RTTN: variants seen among roughly 807,000 people sequenced by gnomAD.
RTTN encodes rotatin.
Under a neutral mutation model 269.2 loss-of-function variants are expected in RTTN, and 182 were observed. The ratio of observed to expected loss-of-function variants is 0.68; its 90% CI spans 0.60 to 0.76. The LOEUF is 0.76. Ranked by LOEUF, RTTN falls within the 30% of genes least tolerant of loss-of-function variation. The probability of loss-of-function intolerance (pLI) is 0.00; values close to 1 mark genes in which losing one functional copy is unlikely to be tolerated. For missense variants in RTTN, 2,545 were observed against 2,608.6 expected (o/e 0.98, Z 0.53); for synonymous variants, 1,006 against 963.5 (o/e 1.04, Z -0.82).
At chr18:70,154,783 T>C (rs2060629734) in intron 14 of RTTN, among the ~76,000 whole-genome samples, 1 of 152,206 alleles carries the variant, frequency 6.6e-6, no homozygotes, top group Non-Finnish European at 1.5e-5. Flanking sequence ...AACCCTTGAT[T>C]GATCGCAAGG....
chr18:70,089,064 T>C lies in RTTN; in HGVS notation c.4144-917A>G, dbSNP rs569993217. Among the ~76,000 whole-genome samples the C allele has an allele frequency of 6.6e-5, 10 of 152,314 alleles. No homozygotes were observed. The East Asian group carries it at 1.2e-3, about 18-fold the overall frequency. ...TAATTTTCCACTCTTCTGAAGGTAA[T>C]AGATACTATAACCTTTTCTCTTTTA... On this transcript the variant is annotated intron_variant, in intron 30 of 48. Transcript: ENST00000640769.
rs1599594561 is a variant in RTTN, at chr18:70,109,664, A to C, written c.3737T>G (p.Leu1246Arg). ...VFQTQLALKL[L>R]QCLKVTDAPH... The stretch of plus-strand genomic sequence containing the variant: ...CGCATCCGTCACTTTCAGACACTGG[A>C]GCAGTTTCAGAGCCAGCTGCGTTTG... The change falls in exon 28 of 49, where the codon CTC becomes CGC. Residue 1246 changes from leucine (L) to arginine (R), a missense_variant. Leu to Arg is a moderately radical substitution (Grantham distance 102). Transcript: ENST00000640769. The C allele has an allele frequency of 6.2e-7, 1 of 1,614,200 alleles. No individual in the cohort carries two copies.
chr18:70,073,987 A>G lies in RTTN; in HGVS notation c.4572T>C (p.Asp1524=). 1 of 1,609,986 alleles carries G rather than the reference A, an allele frequency of 6.2e-7. No homozygotes were observed. The highest frequency in any genetic ancestry group is 8.5e-7 in the Non-Finnish European group (1 of 1,176,818). The part of the protein sequence containing the change: ...NSESNDLNGL[D]DSFKFWRAPS... ...GAGCCCTCCAAAACTTGAATGAGTC[A>G]TCTAAACCTGCAACAACGAGAAAAT... is the stretch of plus-strand genomic sequence containing the variant. The change falls in exon 34 of 49, where the codon GAT becomes GAC. Residue 1524 remains aspartate (D), a synonymous_variant. Transcript: ENST00000640769.
At position 70,113,792 on chromosome 18, in the gene RTTN, G is replaced by A. The variant is rs532249687; in HGVS notation, c.3683+653C>T. On this transcript the variant is annotated intron_variant, in intron 27 of 48. Coordinates refer to ENST00000640769, the MANE Select transcript of RTTN (RefSeq NM_173630.4). ...CTAAGTGAAGAAGCTAGACGCTAAA[G>A]GTCACATTATTGTTTGATTTCATTT... 2.3e-3 allele frequency among the ~76,000 whole-genome samples: 349 copies of A among 152,226 alleles called. 1 individual carries two copies. Among genetic ancestry groups the A allele is most frequent in the African/African-American group, 8.1e-3 (335 of 41,538 alleles).
chr18:70,045,645 C>A (rs2057469557), intron 40 of RTTN, among the ~76,000 whole-genome samples: 1 of 152,112 alleles, frequency 6.6e-6, no homozygotes, highest in Non-Finnish European at 1.5e-5. Flanking sequence ...ATTAACTGTC[C>A]CAACTTACAT....
At chr18:70,100,145 C>T (rs1409002735) in intron 28 of RTTN, among the ~76,000 whole-genome samples, 1 of 152,212 alleles carries the variant, frequency 6.6e-6, no homozygotes, top group East Asian at 1.9e-4. Flanking sequence ...ATGAAGGTGG[C>T]ATTGAATCTA....
intron 28 of RTTN, among the ~76,000 whole-genome samples, chr18:70,105,399 G>A (rs1008346416): frequency 4.6e-5 from 7 of 152,182 alleles, no homozygotes; most frequent in East Asian, 1.9e-4. Flanking sequence ...CATGTGTCAC[G>A]GCTTCCCTTG....
intron 19 of RTTN, among the ~76,000 whole-genome samples, chr18:70,141,875 T>C (rs1388785790): frequency 6.6e-6 from 1 of 152,182 alleles, no homozygotes; most frequent in Non-Finnish European, 1.5e-5. Context: ...CTAAGCAAGA[T>C]GGTACAGATT....
intron 3 of RTTN, among the ~76,000 whole-genome samples, chr18:70,203,110 AAC>A (rs1382656490): frequency 6.6e-6 from 1 of 152,230 alleles, no homozygotes; most frequent in Non-Finnish European, 1.5e-5. Flanking sequence ...CACAGCAGCC[AAC>A]ACAGCCACAT....
intron 11 of RTTN, among the ~76,000 whole-genome samples, chr18:70,169,298 A>G (rs1179794211): frequency 6.6e-6 from 1 of 152,096 alleles, no homozygotes; most frequent in Non-Finnish European, 1.5e-5. Context: ...ACTCTTTCTC[A>G]AAGCCTAAGA....
intron 40 of RTTN, among the ~76,000 whole-genome samples, chr18:70,047,168 C>T (rs568369383): frequency 3.3e-5 from 5 of 152,306 alleles, no homozygotes; most frequent in South Asian, 4.1e-4. Context: ...CTTTGCCAAA[C>T]GTGGCTGGCT....
In RTTN at chr18:70,109,724, A is replaced by G; in HGVS notation, c.3684-7T>C. 1 of 1,612,314 alleles carries G rather than the reference A, an allele frequency of 6.2e-7. No individual in the cohort carries two copies. Among genetic ancestry groups the G allele is most frequent in the South Asian group, 1.1e-5 (1 of 91,026 alleles). On this transcript the variant is annotated splice_polypyrimidine_tract_variant and splice_region_variant and intron_variant, in intron 27 of 48. Transcript: ENST00000640769. ...AAGAAGTTCCGAGCATTTCCTATGT[A>G]TGCAAAAGAGGGAAAATCAACCACC...
At chr18:70,076,604 C>A (rs772752347) in intron 32 of RTTN, among the ~76,000 whole-genome samples, 2 of 151,976 alleles carry the variant, frequency 1.3e-5, no homozygotes, top group African/African-American at 2.4e-5. Context: ...TATTCAATGT[C>A]TTTTATGACT....
chr18:70,063,704 T>C (rs971600589), intron 35 of RTTN, among the ~76,000 whole-genome samples: 4 of 152,214 alleles, frequency 2.6e-5, no homozygotes, highest in Non-Finnish European at 5.9e-5. Flanking sequence ...TCAGCACTTC[T>C]AGAGCAAGCA....
At chr18:70,162,885 TGAA>T (rs2060872482) in intron 14 of RTTN, among the ~76,000 whole-genome samples, 1 of 16,534 alleles carries the variant, frequency 6.0e-5, no homozygotes, top group African/African-American at 1.1e-4. Flanking sequence ...AAATAAAAGT[TGAA>T]AAAAAAAAAA....
intron 12 of RTTN, 138 bp from the exon 13 acceptor site, chr18:70,167,169 C>T: frequency 1.7e-6 from 1 of 604,430 alleles, no homozygotes; most frequent in African/African-American, 1.9e-5. Context: ...TCCACTTTCT[C>T]ATCAAGCAAC....
intron 30 of RTTN, among the ~76,000 whole-genome samples, chr18:70,091,101 T>G (rs1483209517): frequency 6.6e-6 from 1 of 152,204 alleles, no homozygotes; most frequent in Non-Finnish European, 1.5e-5. Context: ...GGTTTATATC[T>G]GGAGACTTAC....
chr18:70,171,426 C>A (rs1166267066), intron 11 of RTTN, among the ~76,000 whole-genome samples: 1 of 152,184 alleles, frequency 6.6e-6, no homozygotes, highest in Non-Finnish European at 1.5e-5. Context: ...ATATAGCACT[C>A]AATAAATATT....
chr18:70,163,993 TTA>T (rs537857902), intron 14 of RTTN, among the ~76,000 whole-genome samples: 6 of 152,174 alleles, frequency 3.9e-5, no homozygotes, highest in Non-Finnish European at 8.8e-5. Flanking sequence ...ATGATTCTAC[TTA>T]TATGAGTTAC....
Sources: gnomAD v4.1 joint callset for allele counts (sites outside exome capture counted in the v4.1 genomes callset) on GRCh38, gnomAD v4.1.1 for gene constraint, MANE v1.5 for transcripts, NCBI Gene and HGNC (gene_info 2026-07-23, HGNC 2026-07-21) for gene names.